FAM13C: variants seen among roughly 807,000 people sequenced by gnomAD.
The protein encoded by FAM13C is family with sequence similarity 13 member C.
FAM13C carries 37 observed loss-of-function variants against 73.2 expected under a neutral mutation model. The observed-to-expected ratio is 0.51, with a 90% CI of 0.39 to 0.67. The LOEUF is 0.67. Ranked by LOEUF, FAM13C falls within the 30% of genes least tolerant of loss-of-function variation. The probability of loss-of-function intolerance (pLI) is 0.00; values close to 1 mark genes in which losing one functional copy is unlikely to be tolerated. For missense variants in FAM13C, 589 were observed against 715.6 expected (o/e 0.82, Z 2.02); for synonymous variants, 246 against 260.9 (o/e 0.94, Z 0.55).
chr10:59,322,119 C>T, intron 4 of FAM13C, among the ~76,000 whole-genome samples: 1 of 152,194 alleles, frequency 6.6e-6, no homozygotes, highest in Non-Finnish European at 1.5e-5. Context: ...GGAATGTGAG[C>T]TACCTGATTC....
chr10:59,301,431 T>A (rs1847589388), intron 5 of FAM13C, among the ~76,000 whole-genome samples: 1 of 152,194 alleles, frequency 6.6e-6, no homozygotes, highest in Non-Finnish European at 1.5e-5. Context: ...CTTCATGTCA[T>A]TTGCAAACAC....
intron 10 of FAM13C, among the ~76,000 whole-genome samples, chr10:59,257,987 A>C (rs913296995): frequency 5.9e-5 from 9 of 152,190 alleles, no homozygotes; most frequent in Non-Finnish European, 7.3e-5. Flanking sequence ...TGAGCTTTCA[A>C]ACTAGTTGAC....
Position 59,324,061 on chromosome 10 carries a change from C to T in FAM13C, c.370G>A (p.Ala124Thr). The change falls in exon 4 of 14, where the codon GCA becomes ACA. Residue 124 changes from alanine (A) to threonine (T), a missense_variant. Transcript: ENST00000618804. ...VSSQSECQVR[A>T]GTPAHESPQN... Reference sequence around the variant, plus strand: ...GGACTCTCATGAGCTGGTGTTCCTGCTCTCACCTGACACTCTGACTGGCTG... The same window carrying T: ...GGACTCTCATGAGCTGGTGTTCCTGTTCTCACCTGACACTCTGACTGGCTG... The T allele has an allele frequency of 6.2e-7, 1 of 1,614,034 alleles. No homozygotes were observed. The highest frequency in any genetic ancestry group is 8.5e-7 in the Non-Finnish European group (1 of 1,179,944).
intron 5 of FAM13C, among the ~76,000 whole-genome samples, chr10:59,290,813 G>C (rs1288985793): frequency 1.3e-5 from 2 of 152,150 alleles, no homozygotes; most frequent in African/African-American, 4.8e-5. Context: ...CAATAAAAAG[G>C]CTGCCATTGT....
intron 6 of FAM13C, among the ~76,000 whole-genome samples, chr10:59,281,192 A>G (rs1189884505): frequency 2.0e-5 from 3 of 152,204 alleles, no homozygotes; most frequent in Non-Finnish European, 1.5e-5. Flanking sequence ...TCTCACCAGG[A>G]CTAACATGAA....
chr10:59,253,703 G>A (rs1229353428), intron 11 of FAM13C: 2 of 152,100 alleles, frequency 1.3e-5, no homozygotes, highest in South Asian at 2.1e-4. Context: ...AAGTATAAAT[G>A]TACCCAAGCA....
At chr10:59,355,993 C>T in intron 1 of FAM13C, 50 bp from the exon 2 acceptor site, 2 of 1,517,178 alleles carry the variant, frequency 1.3e-6, no homozygotes, top group Non-Finnish European at 1.8e-6. Flanking sequence ...TCTGCTATAG[C>T]AGTAGTAGCA....
chr10:59,322,749 G>A (rs1161535915), intron 4 of FAM13C, among the ~76,000 whole-genome samples: 1 of 152,142 alleles, frequency 6.6e-6, no homozygotes, highest in East Asian at 1.9e-4. Context: ...CTTTCTGAGA[G>A]AGACAGTCAT....
intron 1 of FAM13C, among the ~76,000 whole-genome samples, chr10:59,357,128 C>T (rs754730199): frequency 6.6e-6 from 1 of 152,156 alleles, no homozygotes; most frequent in Non-Finnish European, 1.5e-5. Flanking sequence ...AGCTTGCAGA[C>T]GGACTATTGT....
Position 59,361,986 on chromosome 10 carries a change from C to T in FAM13C, c.62+413G>A, listed in dbSNP as rs111924423. Among the ~76,000 whole-genome samples, 835 of 152,268 alleles carry T rather than the reference C, an allele frequency of 5.5e-3. 12 individuals are homozygous for T. The highest frequency in any genetic ancestry group is 0.019 in the African/African-American group (787 of 41,544). ...GGCCAAGATAAGTTTAGCCTGTTTACCACATGCTGGAATTCAGCTCATTTC... is the reference window on the plus strand; with the variant it reads ...GGCCAAGATAAGTTTAGCCTGTTTATCACATGCTGGAATTCAGCTCATTTC... On this transcript the variant is annotated intron_variant, in intron 1 of 13. Coordinates refer to ENST00000618804, the MANE Select transcript of FAM13C (RefSeq NM_198215.4).
At chr10:59,323,737 C>T (rs1387685648) in intron 4 of FAM13C, among the ~76,000 whole-genome samples, 1 of 152,130 alleles carries the variant, frequency 6.6e-6, no homozygotes, top group African/African-American at 2.4e-5. Context: ...AGGGCAGGAC[C>T]TGTCTCCACT....
At chr10:59,272,966 C>T (rs1440527236) in intron 6 of FAM13C, among the ~76,000 whole-genome samples, 1 of 152,060 alleles carries the variant, frequency 6.6e-6, no homozygotes. Flanking sequence ...ACAACAACAA[C>T]TAACAATAAA....
chr10:59,250,074 A>C (rs1384712233), intron 13 of FAM13C, among the ~76,000 whole-genome samples: 1 of 152,226 alleles, frequency 6.6e-6, no homozygotes, highest in Non-Finnish European at 1.5e-5. Flanking sequence ...GTCATTTCTC[A>C]TATGTAATGA....
intron 9 of FAM13C, 151 bp downstream of exon 9, chr10:59,263,934 G>A (rs551546569): frequency 1.4e-6 from 1 of 705,564 alleles, no homozygotes; most frequent in Admixed American, 2.1e-5. Context: ...AGAGATACAG[G>A]GTGCTTTATT....
At chr10:59,265,319 T>G (rs1432222368) in intron 8 of FAM13C, among the ~76,000 whole-genome samples, 76 of 2,270 alleles carry the variant, frequency 0.033, 2 homozygotes, top group African/African-American at 0.037. Context: ...GAAGGGGTTT[T>G]GGCGGGGGGG....
At chr10:59,345,650 C>G (rs142160995) in intron 3 of FAM13C, among the ~76,000 whole-genome samples, 1 of 152,184 alleles carries the variant, frequency 6.6e-6, no homozygotes, top group Non-Finnish European at 1.5e-5. Flanking sequence ...ACCAGTAAAC[C>G]CAAACATTTG....
chr10:59,358,259 T>C (rs968064478), intron 1 of FAM13C, among the ~76,000 whole-genome samples: 8 of 152,154 alleles, frequency 5.3e-5, no homozygotes, highest in Non-Finnish European at 8.8e-5. Flanking sequence ...ACACCTGTAG[T>C]TTCAGCTACT....
intron 6 of FAM13C, among the ~76,000 whole-genome samples, chr10:59,273,036 CTATT>C (rs1187305817): frequency 6.6e-6 from 1 of 152,114 alleles, no homozygotes; most frequent in Non-Finnish European, 1.5e-5. Flanking sequence ...CTCTCTGAAA[CTATT>C]TATTGTACTG....
chr10:59,303,983 A>C (rs2133873622), intron 4 of FAM13C, among the ~76,000 whole-genome samples: 1 of 152,166 alleles, frequency 6.6e-6, no homozygotes, highest in South Asian at 2.1e-4. Flanking sequence ...CCCTGTCTCT[A>C]CTAAAAGTAC....
Sources: gnomAD v4.1 joint callset for allele counts (sites outside exome capture counted in the v4.1 genomes callset) on GRCh38, gnomAD v4.1.1 for gene constraint, MANE v1.5 for transcripts, NCBI Gene and HGNC (gene_info 2026-07-23, HGNC 2026-07-21) for gene names.